Variants in IQCM observed in about 807,000 individuals in gnomAD.
IQCM encodes the protein IQ domain-containing protein M.
Under a neutral mutation model 57.6 loss-of-function variants are expected in IQCM, and 45 were observed. The observed-to-expected ratio is 0.78, with a 90% CI of 0.62 to 1.00. IQCM has a LOEUF of 1.00. IQCM is among the 50% of genes least tolerant of loss of function. The pLI is 0.00. For synonymous variants in IQCM, 148 were observed against 158.9 expected, an observed-to-expected ratio of 0.93 and a Z score of 0.51; for missense variants, 468 against 511.6, an observed-to-expected ratio of 0.91 and a Z score of 0.82.
intron 12 of IQCM, among the ~76,000 whole-genome samples, chr4:149,511,415 C>A (rs1384023744): frequency 6.6e-6 from 1 of 151,644 alleles, no homozygotes; most frequent in Non-Finnish European, 1.5e-5. Flanking sequence ...GTAATCCCAG[C>A]TACTTGGGAG....
chr4:149,671,586 A>G (rs980730890), intron 7 of IQCM, among the ~76,000 whole-genome samples: 6 of 152,008 alleles, frequency 3.9e-5, no homozygotes, highest in African/African-American at 1.2e-4. Flanking sequence ...TCAATTTTAG[A>G]TCTTTCCTGC....
chr4:149,574,022 G>A (rs1218157397), intron 9 of IQCM, among the ~76,000 whole-genome samples: 1 of 151,828 alleles, frequency 6.6e-6, no homozygotes, highest in African/African-American at 2.4e-5. Context: ...TGTTTCAGGA[G>A]TATTGAAAGA....
chr4:149,497,424 G>T (rs529108092), intron 12 of IQCM, among the ~76,000 whole-genome samples: 28 of 152,042 alleles, frequency 1.8e-4, no homozygotes, highest in African/African-American at 6.5e-4. Context: ...TCCAAAAGAG[G>T]TTTATTAGAA....
At chr4:149,632,183 A>C (rs1757325593) in intron 7 of IQCM, among the ~76,000 whole-genome samples, 1 of 152,226 alleles carries the variant, frequency 6.6e-6, no homozygotes, top group Non-Finnish European at 1.5e-5. Context: ...ATATCTTCAC[A>C]TATAAGCTCC....
chr4:149,796,753 G>A (rs1257829444), intron 2 of IQCM, among the ~76,000 whole-genome samples: 1 of 152,162 alleles, frequency 6.6e-6, no homozygotes, highest in African/African-American at 2.4e-5. Flanking sequence ...AGTAAGGGAA[G>A]AGGACAAGAA....
At chr4:149,637,356 T>C (rs1016319035) in intron 7 of IQCM, among the ~76,000 whole-genome samples, 35 of 152,066 alleles carry the variant, frequency 2.3e-4, no homozygotes, top group African/African-American at 8.0e-4. Context: ...ACTCAAACTA[T>C]AGAACATTGC....
At chr4:149,658,605 T>A (rs1022610335) in intron 7 of IQCM, among the ~76,000 whole-genome samples, 1 of 152,058 alleles carries the variant, frequency 6.6e-6, no homozygotes, top group Non-Finnish European at 1.5e-5. Flanking sequence ...TTCTTCCAAT[T>A]CATGAACATG....
At chr4:149,603,500 T>C (rs1335953807) in intron 8 of IQCM, among the ~76,000 whole-genome samples, 1 of 152,188 alleles carries the variant, frequency 6.6e-6, no homozygotes, top group Non-Finnish European at 1.5e-5. Context: ...TGTGACCTAT[T>C]CTTCATTACT....
chr4:149,422,136 C>T (rs998726301), intron 13 of IQCM, among the ~76,000 whole-genome samples: 1 of 151,986 alleles, frequency 6.6e-6, no homozygotes, highest in Non-Finnish European at 1.5e-5. Context: ...TAATAATTTT[C>T]AGCTTCAGCA....
chr4:149,509,709 C>T (rs1744204203), intron 12 of IQCM, among the ~76,000 whole-genome samples: 1 of 151,996 alleles, frequency 6.6e-6, no homozygotes, highest in Admixed American at 6.6e-5. Flanking sequence ...TCCACTTTCA[C>T]TGTGTATATA....
chr4:149,735,525 T>TATA, intron 3 of IQCM, 67 bp from the exon 4 acceptor site: 1 of 676,338 alleles, frequency 1.5e-6, no homozygotes, highest in Non-Finnish European at 2.1e-6. Context: ...AAGTTGACAT[T>TATA]ATAAAAGGAA....
chr4:149,574,959 C>T (rs1751498093), intron 9 of IQCM, among the ~76,000 whole-genome samples: 3 of 151,936 alleles, frequency 2.0e-5, no homozygotes, highest in Admixed American at 1.3e-4. Context: ...GCCTCCCTCC[C>T]CCAATTCCTC....
At position 149,815,606 on chromosome 4, in the gene IQCM, G is replaced by A. The variant is rs963187868; in HGVS notation, c.-93C>T. On this transcript the variant is annotated 5_prime_UTR_variant, in exon 1 of 14. Coordinates refer to ENST00000636793, the MANE Select transcript of IQCM (RefSeq NM_001363507.2). ...ATAGTATTTAATTACTTACCTTTCT[G>A]CCTTAGTTCCAACAAAACTTCTAGA... 1 of 151,978 alleles carries A rather than the reference G, an allele frequency of 6.6e-6. No individual in the cohort carries two copies. Among genetic ancestry groups the A allele is most frequent in the Non-Finnish European group, 1.5e-5 (1 of 67,852 alleles). 9.4% of individuals were successfully genotyped at this position (151,978 alleles called of 1,614,324 possible). A position where few individuals can be genotyped will look rare whatever the true frequency, so the allele number is the denominator to read the frequency against.
intron 5 of IQCM, among the ~76,000 whole-genome samples, chr4:149,703,556 C>G (rs1467151456): frequency 6.6e-6 from 1 of 151,834 alleles, no homozygotes; most frequent in Non-Finnish European, 1.5e-5. Context: ...TTCAGGCTAC[C>G]CTGTTTACTT....
intron 12 of IQCM, among the ~76,000 whole-genome samples, chr4:149,520,677 A>T (rs139028964): frequency 1.3e-5 from 2 of 152,322 alleles, no homozygotes; most frequent in Non-Finnish European, 2.9e-5. Context: ...GATGTCACTA[A>T]CCTGTCAGCA....
At chr4:149,633,755 T>G (rs1159427816) in intron 7 of IQCM, among the ~76,000 whole-genome samples, 4 of 152,158 alleles carry the variant, frequency 2.6e-5, no homozygotes, top group Admixed American at 2.6e-4. Flanking sequence ...TGAAATAACT[T>G]TGAAAACACA....
intron 13 of IQCM, among the ~76,000 whole-genome samples, chr4:149,392,040 A>G (rs572843095): frequency 6.2e-4 from 94 of 150,700 alleles, no homozygotes; most frequent in African/African-American, 2.2e-3. Context: ...TCTTCTCCCT[A>G]GCTGTCTACC....
intron 2 of IQCM, among the ~76,000 whole-genome samples, chr4:149,810,174 C>G (rs1203497693): frequency 6.6e-6 from 1 of 151,788 alleles, no homozygotes; most frequent in Non-Finnish European, 1.5e-5. Flanking sequence ...CACTTGAGTC[C>G]AGGAGTTCGA....
chr4:149,624,673 A>G (rs1426476975), intron 7 of IQCM, among the ~76,000 whole-genome samples: 2 of 152,250 alleles, frequency 1.3e-5, no homozygotes, highest in Non-Finnish European at 2.9e-5. Context: ...GACAAATATT[A>G]TCTTAGTATC....
Sources: allele counts gnomAD v4.1 joint callset (sites outside exome capture counted in the v4.1 genomes callset), GRCh38; gene constraint gnomAD v4.1.1; transcripts MANE v1.5; gene names NCBI Gene and HGNC (gene_info 2026-07-23, HGNC 2026-07-21).